Variants in SHLD2 observed in about 807,000 individuals in gnomAD.
The protein encoded by SHLD2 is RINN1-REV7-interacting novel NHEJ regulator 2.
SHLD2 carries 30 observed loss-of-function variants against 73.2 expected under a neutral mutation model. The ratio of observed to expected loss-of-function variants is 0.41; its 90% CI spans 0.31 to 0.56. The LOEUF (loss-of-function observed/expected upper bound fraction) is 0.56. SHLD2 is among the 20% of genes least tolerant of loss of function. SHLD2 has a pLI of 0.28. For missense variants in SHLD2, 745 were observed against 1,055.9 expected (o/e 0.71, Z 4.08); for synonymous variants, 285 against 370.1 (o/e 0.77, Z 2.64).
rs368212538 is a variant in SHLD2, at chr10:87,185,382, AC to A, written c.2400-1702del. On this transcript the variant is annotated intron_variant, in intron 8 of 9. Transcript: ENST00000298786. ...ATGATGCTGCTGTGAACATTTGTGT[AC>A]AAGTTTTTGTGTGGATATGTGTGTT... is the stretch of plus-strand genomic sequence containing the variant. 7.0e-4 allele frequency among the ~76,000 whole-genome samples: 106 copies of A among 152,320 alleles called. 2 individuals carry two copies. Among genetic ancestry groups the A allele is most frequent in the South Asian group, 5.6e-3 (27 of 4,824 alleles).
rs1848211456 is a variant in SHLD2 at position 87,180,149 on chromosome 10, G to C, written c.2245G>C (p.Ala749Pro). Residue 749 changes from alanine (A) to proline (P), a missense_variant, in exon 8 of 10, where the codon GCT (alanine) becomes CCT (proline). Transcript: ENST00000298786. ...ITASQKIALNAHSSLKSIFSS... is the reference protein window; with the variant it reads ...ITASQKIALNPHSSLKSIFSS... ...AGCATCTCAGAAGATAGCGCTAAAT[G>C]CTCACAGTTCTCTGAAGAGTATTTT... The C allele has an allele frequency of 6.2e-7, 1 of 1,613,834 alleles. No homozygotes were observed.
intron 2 of SHLD2, among the ~76,000 whole-genome samples, chr10:87,150,234 T>C (rs941043711): frequency 1.3e-5 from 2 of 151,614 alleles, no homozygotes; most frequent in Admixed American, 1.3e-4. Context: ...CTGGCTAATT[T>C]TTGTATTTTT....
intron 2 of SHLD2, among the ~76,000 whole-genome samples, chr10:87,102,788 C>G (rs930021228): frequency 6.6e-6 from 1 of 152,102 alleles, no homozygotes; most frequent in South Asian, 2.1e-4. Flanking sequence ...TGGTCTCATG[C>G]GATTCTCCTG....
intron 2 of SHLD2, among the ~76,000 whole-genome samples, chr10:87,107,292 T>C (rs1842662166): frequency 6.6e-6 from 1 of 152,048 alleles, no homozygotes; most frequent in Non-Finnish European, 1.5e-5. Context: ...TGCGCCCTTG[T>C]AATCCCAGCT....
intron 2 of SHLD2, among the ~76,000 whole-genome samples, chr10:87,142,664 A>C (rs184273259): frequency 2.8e-4 from 42 of 152,328 alleles, no homozygotes; most frequent in African/African-American, 9.9e-4. Context: ...GATGATGCCA[A>C]GGTTTTTTGG....
chr10:87,131,448 T>C (rs1436222983), intron 2 of SHLD2, among the ~76,000 whole-genome samples: 1 of 152,248 alleles, frequency 6.6e-6, no homozygotes, highest in Non-Finnish European at 1.5e-5. Context: ...ATATTTCATA[T>C]AAATGAAGTC....
chr10:87,137,512 AAG>A (rs1352383156), intron 2 of SHLD2, among the ~76,000 whole-genome samples: 2 of 152,104 alleles, frequency 1.3e-5, no homozygotes, highest in Non-Finnish European at 2.9e-5. Context: ...ACAGATTGGA[AAG>A]AGAAAAGACA....
chr10:87,189,682 C>T (rs11528425), intron 9 of SHLD2, among the ~76,000 whole-genome samples: 16,567 of 152,252 alleles, frequency 0.11, 1,176 homozygotes, highest in Middle Eastern at 0.23. Context: ...CTCTGTCATT[C>T]TGGTATTGAA....
intron 3 of SHLD2, 117 bp downstream of exon 3, chr10:87,152,996 G>C (rs1846124434): frequency 1.0e-6 from 1 of 980,970 alleles, no homozygotes; most frequent in Admixed American, 2.5e-5. Flanking sequence ...TCTGAGCGCA[G>C]CATAATTGAT....
chr10:87,125,842 G>A lies in SHLD2; in HGVS notation c.-5-25508G>A, dbSNP rs567085924. On this transcript the variant is annotated intron_variant, in intron 2 of 9. Coordinates refer to ENST00000298786, the MANE Select transcript of SHLD2 (RefSeq NM_001330112.2). Reference sequence around the variant, plus strand: ...CTCGGGAGGCTGAGGCAGGAGAATCGCTTGAACCCGGGAGGCGGAGGTTGC... The same window carrying A: ...CTCGGGAGGCTGAGGCAGGAGAATCACTTGAACCCGGGAGGCGGAGGTTGC... Among the ~76,000 whole-genome samples the A allele has an allele frequency of 2.2e-3, 341 of 152,250 alleles. 1 individual carries two copies. Among genetic ancestry groups the A allele is most frequent in the African/African-American group, 7.7e-3 (321 of 41,554 alleles).
chr10:87,142,372 A>G (rs1364078323), intron 2 of SHLD2, among the ~76,000 whole-genome samples: 2 of 152,224 alleles, frequency 1.3e-5, no homozygotes, highest in East Asian at 3.8e-4. Flanking sequence ...GCAAAAAACC[A>G]GAGAGTCAGT....
intron 2 of SHLD2, among the ~76,000 whole-genome samples, chr10:87,103,580 T>C (rs1373973728): frequency 6.6e-6 from 1 of 152,230 alleles, no homozygotes; most frequent in African/African-American, 2.4e-5. Flanking sequence ...GAAAACTTTC[T>C]AATATTTGCT....
In SHLD2 at chr10:87,176,062, G is replaced by A; in HGVS notation, c.2137G>A (p.Asp713Asn). 1 of 1,548,286 alleles carries A rather than the reference G, an allele frequency of 6.5e-7. No individual in the cohort carries two copies. The highest frequency in any genetic ancestry group is 1.4e-5 in the African/African-American group (1 of 73,046). The change falls in exon 7 of 10, where the codon GAC (aspartate) becomes AAC (asparagine). Residue 713 changes from aspartate to asparagine, a missense_variant. Around this residue, in one of 5 missense-constraint regions of SHLD2, gnomAD observed 418 missense variants for 567.8 expected, o/e 0.74. Coordinates refer to ENST00000298786, the MANE Select transcript of SHLD2 (RefSeq NM_001330112.2). ...TGCACCCTCCTTTGTGAAGATATCAGACTTAGCAACCCACCTAGAGGATAA... is the reference window on the plus strand; with the variant it reads ...TGCACCCTCCTTTGTGAAGATATCAAACTTAGCAACCCACCTAGAGGATAA... ...KSAPSFVKIS[D>N]LATHLEDKCS...
chr10:87,124,733 A>G (rs1843863750), intron 2 of SHLD2, among the ~76,000 whole-genome samples: 1 of 147,616 alleles, frequency 6.8e-6, no homozygotes, highest in East Asian at 2.1e-4. Flanking sequence ...AAGTCATTAT[A>G]GTTAAAAAAA....
chr10:87,184,398 G>A (rs1469407253), intron 8 of SHLD2, among the ~76,000 whole-genome samples: 1 of 151,856 alleles, frequency 6.6e-6, no homozygotes, highest in Non-Finnish European at 1.5e-5. Flanking sequence ...TGGCATCCCT[G>A]TTTACCTTCC....
At chr10:87,111,064 G>A (rs940606897) in intron 2 of SHLD2, among the ~76,000 whole-genome samples, 3 of 152,028 alleles carry the variant, frequency 2.0e-5, no homozygotes, top group Non-Finnish European at 4.4e-5. Context: ...GGCTGGTCTC[G>A]AACTCCTGAC....
At chr10:87,100,308 G>A (rs757044421) in intron 2 of SHLD2, among the ~76,000 whole-genome samples, 26 of 151,988 alleles carry the variant, frequency 1.7e-4, no homozygotes, top group Non-Finnish European at 3.4e-4. Context: ...TCATTCTTTT[G>A]CACGTGGCTA....
Position 87,173,217 on chromosome 10 carries a change from G to A in SHLD2, c.1963+2243G>A, listed in dbSNP as rs1264592888. 2.0e-5 allele frequency among the ~76,000 whole-genome samples: 3 copies of A among 151,730 alleles called. No individual in the cohort carries two copies. The East Asian group carries it at 5.8e-4, about 29-fold the overall frequency. ...TTATTTTTGTATTTTTAGTAGAGAC[G>A]AGGTTTCACCATGTTGGCCAGGCTG... On this transcript the variant is annotated intron_variant, in intron 6 of 9. Coordinates refer to ENST00000298786, the MANE Select transcript of SHLD2 (RefSeq NM_001330112.2).
At chr10:87,117,476 T>G (rs1003794370) in intron 2 of SHLD2, among the ~76,000 whole-genome samples, 16 of 150,758 alleles carry the variant, frequency 1.1e-4, no homozygotes, top group African/African-American at 3.9e-4. Context: ...TAAGGAAAAT[T>G]TAGTGAAGAA....
Sources: allele counts gnomAD v4.1 joint callset (sites outside exome capture counted in the v4.1 genomes callset), GRCh38; gene constraint gnomAD v4.1.1; regional missense constraint gnomAD v4.1.1; transcripts MANE v1.5; gene names NCBI Gene and HGNC (gene_info 2026-07-23, HGNC 2026-07-21).